Variants in RPS7 observed in about 807,000 individuals in gnomAD.
RPS7 encodes small ribosomal subunit protein eS7.
RPS7 carries 1 observed loss-of-function variant against 22.1 expected under a neutral mutation model. That is an observed-to-expected ratio of 0.05 (90% CI 0.02 to 0.21). The LOEUF is 0.21. Ranked by LOEUF, RPS7 falls within the 10% of genes least tolerant of loss-of-function variation. The pLI is 1.00. For missense variants in RPS7, 137 were observed against 246.4 expected (o/e 0.56, Z 2.97); for synonymous variants, 80 against 92.0 (o/e 0.87, Z 0.74).
At chr2:3,578,826 T>G (rs1478151230) in intron 5 of RPS7, 1 of 152,188 alleles carries the variant, frequency 6.6e-6, no homozygotes, top group Non-Finnish European at 1.5e-5. Context: ...ATAGCTTTAG[T>G]TTCCCTCAGT....
intron 3 of RPS7, chr2:3,576,229 G>C (rs960690599): frequency 7.9e-5 from 47 of 597,510 alleles, no homozygotes; most frequent in African/African-American, 7.8e-4. Flanking sequence ...TTAGCCCGGA[G>C]TTGCCGCAAG....
At chr2:3,577,860 A>G (rs780246648) in intron 5 of RPS7, 86 bp downstream of exon 5, 12 of 954,850 alleles carry the variant, frequency 1.3e-5, no homozygotes, top group Non-Finnish European at 2.0e-5. Context: ...ATGAAAACAG[A>G]TGTTCAAGTG....
chr2:3,579,830 G>T, intron 5 of RPS7: 1 of 542,642 alleles, frequency 1.8e-6, no homozygotes, highest in Non-Finnish European at 3.3e-6. Flanking sequence ...ATTCCCTAGA[G>T]ATGGTCACTC....
At chr2:3,580,294 A>G in intron 6 of RPS7, 34 bp downstream of exon 6, 1 of 1,602,830 alleles carries the variant, frequency 6.2e-7, no homozygotes, top group Non-Finnish European at 8.5e-7. Flanking sequence ...GGAAAGGTTC[A>G]GCCACAGTGA....
intron 5 of RPS7, 184 bp downstream of exon 5, chr2:3,577,958 T>C (rs1322618518): frequency 9.9e-6 from 6 of 603,272 alleles, no homozygotes; most frequent in Non-Finnish European, 1.8e-5. Context: ...CATGTATTCA[T>C]GTAGCCATTG....
intron 2 of RPS7, 22 bp from the exon 3 acceptor site, chr2:3,575,795 C>A: frequency 6.2e-7 from 1 of 1,610,254 alleles, no homozygotes; most frequent in South Asian, 1.1e-5. Flanking sequence ...CAGGGTCGGT[C>A]CTGCTGTTCG....
intron 1 of RPS7, 85 bp downstream of exon 1, chr2:3,575,435 G>C: frequency 1.6e-6 from 1 of 626,884 alleles, no homozygotes; most frequent in Non-Finnish European, 2.8e-6. Flanking sequence ...GGAGGGGCGA[G>C]CCTTGCTCAC....
intron 1 of RPS7, 46 bp downstream of exon 1, chr2:3,575,396 G>A (rs1661251798): frequency 3.5e-6 from 2 of 579,098 alleles, no homozygotes; most frequent in Non-Finnish European, 6.1e-6. Flanking sequence ...TTCTTGGGTT[G>A]AGGAAAACGC....
chr2:3,576,848 C>T, intron 4 of RPS7: 1 of 650,114 alleles, frequency 1.5e-6, no homozygotes, highest in Non-Finnish European at 2.8e-6. Flanking sequence ...GCCTGGGCAA[C>T]ATGGTAAGAC....
chr2:3,575,391 G>T (rs1348697785), intron 1 of RPS7, 41 bp downstream of exon 1: 3 of 575,892 alleles, frequency 5.2e-6, no homozygotes, highest in Non-Finnish European at 9.2e-6. Flanking sequence ...TTTTCTTCTT[G>T]GGTTGAGGAA....
chr2:3,577,690 T>C lies in RPS7; in HGVS notation c.292-20T>C. On this transcript the variant is annotated intron_variant, in intron 4 of 6. Transcript: ENST00000645674. ...TAAAGTCTTTTTTCATTTTGTTACA[T>C]GATAATTTTTACCTTACAGAGGAGA... The C allele has an allele frequency of 4.4e-6, 7 of 1,584,988 alleles. No individual in the cohort carries two copies. Among genetic ancestry groups the C allele is most frequent in the Non-Finnish European group, 6.1e-6 (7 of 1,154,696 alleles).
rs939227564 is a variant in RPS7, at chr2:3,580,280, T to C, written c.507+20T>C. 1.2e-6 allele frequency: 2 copies of C among 1,612,066 alleles called. No individual in the cohort carries two copies. The highest frequency in any genetic ancestry group is 2.7e-5 in the African/African-American group (2 of 74,914). ...CACAAGGTAATAGGTCAACATTTTA[T>C]CATGGAAAGGTTCAGCCACAGTGAG... On this transcript the variant is annotated intron_variant, in intron 6 of 6. Coordinates refer to ENST00000645674, the MANE Select transcript of RPS7 (RefSeq NM_001011.4).
intron 2 of RPS7, 25 bp downstream of exon 2, chr2:3,575,709 G>C: frequency 6.2e-7 from 1 of 1,608,606 alleles, no homozygotes; most frequent in Non-Finnish European, 8.5e-7. Flanking sequence ...CTGGGGTCTG[G>C]GGTGGGGGGA....
chr2:3,575,952 A>T, intron 3 of RPS7, 64 bp downstream of exon 3: 1 of 1,151,658 alleles, frequency 8.7e-7, no homozygotes, highest in East Asian at 2.5e-5. Context: ...AGTGCCTGAG[A>T]GGGTTGGACC....
chr2:3,577,679 A>G (rs756479043), intron 4 of RPS7, 31 bp from the exon 5 acceptor site: 4 of 1,531,548 alleles, frequency 2.6e-6, no homozygotes, highest in Non-Finnish European at 3.6e-6. Context: ...GTCTTTTTTC[A>G]TTTTGTTACA....
At chr2:3,580,762 G>A in intron 6 of RPS7, 43 bp from the exon 7 acceptor site, 1 of 1,186,390 alleles carries the variant, frequency 8.4e-7, no homozygotes, top group Admixed American at 1.7e-5. Context: ...TAAGCTGAGT[G>A]TGTATTTCAA....
chr2:3,580,541 G>C (rs960418644), intron 6 of RPS7: 31 of 625,388 alleles, frequency 5.0e-5, no homozygotes, highest in Admixed American at 1.1e-4. Context: ...GGTGGGTGGT[G>C]ATGGGATCAG....
At chr2:3,576,403 A>T (rs1661280871) in intron 3 of RPS7, 84 bp from the exon 4 acceptor site, 1 of 1,199,890 alleles carries the variant, frequency 8.3e-7, no homozygotes, top group African/African-American at 1.5e-5. Flanking sequence ...GGTGTTAGTG[A>T]TAAGGTCTTC....
At chr2:3,577,616 A>G (rs1661312130) in intron 4 of RPS7, 94 bp from the exon 5 acceptor site, 5 of 919,278 alleles carry the variant, frequency 5.4e-6, no homozygotes, top group East Asian at 2.4e-5. Context: ...TTACCCTGCC[A>G]TTCTTCTTGC....
Sources: allele counts gnomAD v4.1 joint callset, GRCh38; gene constraint gnomAD v4.1.1; transcripts MANE v1.5; gene names NCBI Gene and HGNC (gene_info 2026-07-23, HGNC 2026-07-21).